Variants in AASS observed in about 807,000 individuals in gnomAD.
AASS encodes the protein alpha-aminoadipic semialdehyde synthase, mitochondrial.
In AASS, 86 loss-of-function variants were observed where a neutral mutation model predicts 105.4. The ratio of observed to expected loss-of-function variants is 0.82; its 90% CI spans 0.69 to 0.98. The LOEUF (loss-of-function observed/expected upper bound fraction) is 0.98, where lower values mean the gene tolerates loss of function less well. AASS is among the 50% of genes least tolerant of loss of function. The pLI is 0.00. For synonymous variants in AASS, 381 were observed against 394.8 expected (o/e 0.96, Z 0.41); for missense variants, 1,048 against 1,143.2 (o/e 0.92, Z 1.20).
At chr7:122,084,094 C>T (rs1320728735) in intron 19 of AASS, among the ~76,000 whole-genome samples, 1 of 144,524 alleles carries the variant, frequency 6.9e-6, no homozygotes, top group South Asian at 2.2e-4. Flanking sequence ...AACTGCTGGC[C>T]AAAAAAAAAA....
chr7:122,106,507 A>T (rs1794670306), intron 11 of AASS, among the ~76,000 whole-genome samples: 1 of 152,102 alleles, frequency 6.6e-6, no homozygotes, highest in Admixed American at 6.6e-5. Context: ...TTCAAACTAT[A>T]TTACAGGGCT....
rs36059311 is a variant in AASS, at chr7:122,113,779, T to TA, written c.1044-60dup. The TA allele has an allele frequency of 1.3e-3, 2,026 of 1,558,358 alleles. 1 individual carries two copies. Among genetic ancestry groups the TA allele is most frequent in the Non-Finnish European group, 1.5e-3 (1,756 of 1,149,964 alleles). ...GAAATTCTGAAGTCTCCAACAAGAC[T>TA]AAAAAAAAAGGAGTTTGGAACAATT... On this transcript the variant is annotated intron_variant, in intron 9 of 23. Coordinates refer to ENST00000417368, the MANE Select transcript of AASS (RefSeq NM_005763.4).
intron 19 of AASS, chr7:122,082,979 A>C: frequency 1.3e-6 from 1 of 751,640 alleles, no homozygotes; most frequent in East Asian, 6.4e-5. Flanking sequence ...CCAGTGTGCA[A>C]ATGGGAAGCA....
rs754068998 is a variant in AASS at position 122,116,950 on chromosome 7, T to C, written c.695A>G (p.Gln232Arg). The C allele has an allele frequency of 6.2e-7, 1 of 1,613,730 alleles. No homozygotes were observed. The highest frequency in any genetic ancestry group is 1.1e-5 in the South Asian group (1 of 91,078). The change falls in exon 7 of 24, where the codon CAA becomes CGA. Residue 232 changes from glutamine (Q) to arginine (R), a missense_variant. By Grantham distance (43) the Gln-to-Arg change is conservative (BLOSUM62 1). Coordinates refer to ENST00000417368, the MANE Select transcript of AASS (RefSeq NM_005763.4). Reference sequence around the variant, plus strand: ...ACAAGGTAGCTCATTAAAGATTGCTTGGGCTCCCTACAAATAACACATGAG... The same window carrying C: ...ACAAGGTAGCTCATTAAAGATTGCTCGGGCTCCCTACAAATAACACATGAG... ...TGTGNVSKGA[Q>R]AIFNELPCEY...
intron 2 of AASS, among the ~76,000 whole-genome samples, chr7:122,132,234 C>T (rs1382920222): frequency 6.6e-6 from 1 of 152,132 alleles, no homozygotes; most frequent in African/African-American, 2.4e-5. Context: ...ACAGAATTCA[C>T]AGTTTGGTAA....
At chr7:122,111,456 T>A (rs1794926835) in intron 11 of AASS, among the ~76,000 whole-genome samples, 1 of 152,124 alleles carries the variant, frequency 6.6e-6, no homozygotes, top group Non-Finnish European at 1.5e-5. Flanking sequence ...AGTTATTCAG[T>A]CTGCAGGGAA....
intron 10 of AASS, 82 bp downstream of exon 10, chr7:122,113,516 G>A: frequency 6.5e-7 from 1 of 1,548,138 alleles, no homozygotes; most frequent in South Asian, 1.1e-5. Flanking sequence ...ACTTCATAAA[G>A]ATGTAAAATA....
chr7:122,095,540 T>C (rs1794110267), intron 15 of AASS, among the ~76,000 whole-genome samples: 1 of 151,808 alleles, frequency 6.6e-6, no homozygotes, highest in Non-Finnish European at 1.5e-5. Context: ...TCATTGTACT[T>C]GTCAAATTCA....
chr7:122,098,277 T>C (rs1437190211), intron 15 of AASS, among the ~76,000 whole-genome samples, 173 bp downstream of exon 15: 1 of 151,920 alleles, frequency 6.6e-6, no homozygotes, highest in East Asian at 1.9e-4. Flanking sequence ...ATGTGTTCAC[T>C]TTGTGAAAAT....
At chr7:122,140,485 CAAAAAAAAA>C (rs57828681) in intron 1 of AASS, among the ~76,000 whole-genome samples, 2 of 37,328 alleles carry the variant, frequency 5.4e-5, no homozygotes, top group Admixed American at 7.7e-4. Context: ...GACTCAGTCT[CAAAAAAAAA>C]AAAAAAAAAA....
At chr7:122,122,736 A>G (rs1795496101) in intron 4 of AASS, among the ~76,000 whole-genome samples, 1 of 152,140 alleles carries the variant, frequency 6.6e-6, no homozygotes, top group Non-Finnish European at 1.5e-5. Context: ...GAAAATCTAT[A>G]TATGTTCTCT....
chr7:122,115,619 C>A (rs938882514), intron 8 of AASS, among the ~76,000 whole-genome samples: 1 of 152,058 alleles, frequency 6.6e-6, no homozygotes, highest in African/African-American at 2.4e-5. Context: ...TTCTTACTTG[C>A]CAGATGGGGA....
chr7:122,133,510 TACTC>T lies in AASS; in HGVS notation c.210+3_210+6del, dbSNP rs1796002931. 2 of 1,613,846 alleles carry T rather than the reference TACTC, an allele frequency of 1.2e-6. No individual in the cohort carries two copies. Among genetic ancestry groups the T allele is most frequent in the East Asian group, 4.5e-5 (2 of 44,892 alleles). ...TATTCTCACATAAAAATATTGGAAA[TACTC>T]ACCTTATCATGAATGGCCCGCCGAT... On this transcript the variant is annotated splice_donor_5th_base_variant and intron_variant, in intron 2 of 23. Transcript: ENST00000417368.
chr7:122,121,966 T>C (rs1044682189), intron 4 of AASS, among the ~76,000 whole-genome samples: 1 of 152,216 alleles, frequency 6.6e-6, no homozygotes, highest in African/African-American at 2.4e-5. Context: ...GTTGTTTGTT[T>C]TCTTTCAGCA....
chr7:122,100,201 C>A (rs983926460), intron 13 of AASS, among the ~76,000 whole-genome samples: 4 of 151,852 alleles, frequency 2.6e-5, no homozygotes, highest in Non-Finnish European at 5.9e-5. Flanking sequence ...GCAATCGGAG[C>A]CAAGTAAACC....
At chr7:122,080,010 CCTCT>C (rs890466610) in intron 20 of AASS, among the ~76,000 whole-genome samples, 4 of 152,134 alleles carry the variant, frequency 2.6e-5, no homozygotes, top group Admixed American at 1.3e-4. Context: ...CTTTGTATAT[CCTCT>C]CTATCACTAT....
intron 17 of AASS, among the ~76,000 whole-genome samples, chr7:122,092,466 T>C (rs746792058): frequency 2.0e-5 from 3 of 152,136 alleles, no homozygotes; most frequent in African/African-American, 2.4e-5. Context: ...AGTTATAAGA[T>C]ATTATTTAAA....
Position 122,116,898 on chromosome 7 carries a change from T to C in AASS, c.747A>G (p.Lys249=). 6.2e-7 allele frequency: 1 copy of C among 1,614,086 alleles called. No individual in the cohort carries two copies. The highest frequency in any genetic ancestry group is 8.5e-7 in the Non-Finnish European group (1 of 1,179,986). ...PCEYVEPHEL[K]EVSQTGDLRK... is the part of the protein sequence containing the mutation. Reference sequence around the variant, plus strand: ...CCTTACCTCCAGTTTGGGAAACTTCTTTTAATTCATGGGGCTCCACATATT... The same window carrying C: ...CCTTACCTCCAGTTTGGGAAACTTCCTTTAATTCATGGGGCTCCACATATT... The change falls in exon 7 of 24, where the codon AAA becomes AAG. Residue 249 remains lysine (K), a synonymous_variant. Transcript: ENST00000417368.
chr7:122,092,381 T>C (rs1562912358), intron 17 of AASS, among the ~76,000 whole-genome samples: 3 of 152,314 alleles, frequency 2.0e-5, no homozygotes, highest in South Asian at 2.1e-4. Flanking sequence ...CAAAATTTTA[T>C]AGTAGCATCT....
Sources: allele counts gnomAD v4.1 joint callset (sites outside exome capture counted in the v4.1 genomes callset), GRCh38; gene constraint gnomAD v4.1.1; transcripts MANE v1.5; gene names NCBI Gene and HGNC (gene_info 2026-07-23, HGNC 2026-07-21).